Variants in ZFHX3 observed in about 807,000 individuals in gnomAD.
The protein encoded by ZFHX3 is zinc finger homeobox 3.
A neutral mutation model predicts 279.1 loss-of-function variants in ZFHX3; 42 were observed. The observed-to-expected ratio is 0.15, with a 90% CI of 0.12 to 0.19. ZFHX3 has a LOEUF of 0.19. Among genes scored for constraint, ZFHX3 ranks in the 10% least tolerant of loss-of-function variants. The probability of loss-of-function intolerance (pLI) is 1.00; values close to 1 mark genes in which losing one functional copy is unlikely to be tolerated. For missense variants in ZFHX3, 4,981 were observed against 4,754.0 expected, an observed-to-expected ratio of 1.05 and a Z score of -1.40; for synonymous variants, 2,293 against 1,957.8, an observed-to-expected ratio of 1.17 and a Z score of -4.52.
At chr16:73,183,992 TA>T (rs1263894016) in intron 5 of ZFHX3, among the ~76,000 whole-genome samples, 3 of 152,138 alleles carry the variant, frequency 2.0e-5, no homozygotes, top group African/African-American at 7.2e-5. Context: ...CATGAATCTG[TA>T]AAGAGCAGGG....
intron 1 of ZFHX3, among the ~76,000 whole-genome samples, chr16:73,715,067 G>T (rs2053401350): frequency 6.6e-6 from 1 of 152,074 alleles, no homozygotes; most frequent in Admixed American, 6.6e-5. Flanking sequence ...TGAGCATATA[G>T]CATCTGCTCC....
At chr16:73,633,049 A>C (rs1181938285) in intron 2 of ZFHX3, among the ~76,000 whole-genome samples, 1 of 152,262 alleles carries the variant, frequency 6.6e-6, no homozygotes, top group Non-Finnish European at 1.5e-5. Flanking sequence ...ACTGCACTCT[A>C]GGCTGGACAA....
intron 3 of ZFHX3, among the ~76,000 whole-genome samples, chr16:73,331,244 A>G (rs1698347360): frequency 6.6e-6 from 1 of 152,172 alleles, no homozygotes; most frequent in Non-Finnish European, 1.5e-5. Context: ...AGCATGGAGG[A>G]ACCGCCCCCA....
rs2035267973 is a variant in ZFHX3 at position 72,784,523 on chromosome 16, T to TACA, written c.*2638_*2640dup. ...TATATGGTACAGACACAGAGTAACA[T>TACA]ACAACAGTTAAATGGCAAAAAATAT... is the stretch of plus-strand genomic sequence containing the variant. On this transcript the variant is annotated 3_prime_UTR_variant, in exon 10 of 10. Transcript: ENST00000268489. 1.3e-5 allele frequency: 2 copies of TACA among 151,956 alleles called. No individual in the cohort carries two copies. The highest frequency in any genetic ancestry group is 4.8e-5 in the African/African-American group (2 of 41,322). The allele number at this position is 151,956 out of a possible 1,614,324, so 9.4% of individuals were successfully genotyped here.
intron 1 of ZFHX3, among the ~76,000 whole-genome samples, chr16:73,824,340 C>T (rs1960835215): frequency 6.6e-6 from 1 of 150,538 alleles, no homozygotes. Flanking sequence ...TTAATAATCT[C>T]CAAAACAATG....
chr16:73,713,802 G>A (rs899559276), intron 1 of ZFHX3, among the ~76,000 whole-genome samples: 2 of 152,040 alleles, frequency 1.3e-5, no homozygotes, highest in African/African-American at 4.8e-5. Flanking sequence ...TCCTGTTCAG[G>A]CTACAAACTT....
At chr16:73,313,459 C>T (rs2015374209) in intron 4 of ZFHX3, among the ~76,000 whole-genome samples, 2 of 152,192 alleles carry the variant, frequency 1.3e-5, no homozygotes, top group African/African-American at 4.8e-5. Flanking sequence ...TGGAATGCTG[C>T]ACCTATACAA....
At position 73,821,063 on chromosome 16, in the gene ZFHX3, GT is replaced by G. The variant is rs544942118; in HGVS notation, c.-1608+70587del. On this transcript the variant is annotated intron_variant, in intron 1 of 17. Transcript: ENST00000641206. ...TGAGTCTCCTTGCCAAGGCAACACA[GT>G]CAGGGGGTGGAGAAACACAGATTCA... Among the ~76,000 whole-genome samples the G allele has an allele frequency of 1.6e-3, 240 of 152,284 alleles. 1 individual carries two copies. The highest frequency in any genetic ancestry group is 2.5e-3 in the South Asian group (12 of 4,828).
At chr16:73,351,273 G>T (rs548122447) in intron 3 of ZFHX3, among the ~76,000 whole-genome samples, 3 of 152,278 alleles carry the variant, frequency 2.0e-5, no homozygotes, top group African/African-American at 7.2e-5. Context: ...ACCCCAATCC[G>T]GGAGAGGTCA....
chr16:73,443,758 C>A (rs1049129731), intron 3 of ZFHX3, among the ~76,000 whole-genome samples: 1 of 151,866 alleles, frequency 6.6e-6, no homozygotes, highest in African/African-American at 2.4e-5. Context: ...TACTCCTTGG[C>A]TTTTTTTCTT....
At chr16:73,327,585 C>T (rs2015717492) in intron 3 of ZFHX3, among the ~76,000 whole-genome samples, 1 of 152,196 alleles carries the variant, frequency 6.6e-6, no homozygotes, top group African/African-American at 2.4e-5. Context: ...ATGAAAGATG[C>T]TCCAAGGATA....
At chr16:73,663,524 C>G (rs1307831866) in intron 2 of ZFHX3, among the ~76,000 whole-genome samples, 1 of 152,198 alleles carries the variant, frequency 6.6e-6, no homozygotes, top group Non-Finnish European at 1.5e-5. Context: ...CACAAACTTG[C>G]TCTCATTTCC....
At chr16:73,814,967 C>T in intron 1 of ZFHX3, among the ~76,000 whole-genome samples, 1 of 152,132 alleles carries the variant, frequency 6.6e-6, no homozygotes, top group East Asian at 1.9e-4. Flanking sequence ...CAAAATCTCT[C>T]AAGAGATTTT....
intron 2 of ZFHX3, among the ~76,000 whole-genome samples, chr16:73,649,154 G>A (rs931093803): frequency 6.6e-6 from 1 of 152,164 alleles, no homozygotes; most frequent in Non-Finnish European, 1.5e-5. Context: ...GAGAACAAGT[G>A]TTTTTTCTTT....
At chr16:73,192,290 T>C (rs1393521872) in intron 5 of ZFHX3, among the ~76,000 whole-genome samples, 1 of 152,060 alleles carries the variant, frequency 6.6e-6, no homozygotes, top group Non-Finnish European at 1.5e-5. Flanking sequence ...TTGGAATGAA[T>C]GAAAATTTAG....
intron 5 of ZFHX3, among the ~76,000 whole-genome samples, chr16:73,209,753 CATCATGT>C (rs2011942792): frequency 6.6e-6 from 1 of 152,162 alleles, no homozygotes; most frequent in South Asian, 2.1e-4. Flanking sequence ...CAATATTATA[CATCATGT>C]AGCTTCTGGA....
At chr16:73,641,699 A>T (rs2052574489) in intron 2 of ZFHX3, among the ~76,000 whole-genome samples, 1 of 152,110 alleles carries the variant, frequency 6.6e-6, no homozygotes, top group Admixed American at 6.5e-5. Context: ...ATTATTTAGA[A>T]ATACATAAAT....
At chr16:73,423,861 CAAAA>C (rs34917527) in intron 3 of ZFHX3, among the ~76,000 whole-genome samples, 17 of 136,718 alleles carry the variant, frequency 1.2e-4, no homozygotes, top group Non-Finnish European at 1.6e-4. Context: ...GACTCCATCT[CAAAA>C]AAAAAAAAAA....
At chr16:73,516,988 T>C (rs1053632314) in intron 2 of ZFHX3, among the ~76,000 whole-genome samples, 4 of 152,174 alleles carry the variant, frequency 2.6e-5, no homozygotes, top group Non-Finnish European at 5.9e-5. Flanking sequence ...GAAAAACGCA[T>C]GATCAACACC....
Sources: allele counts gnomAD v4.1 joint callset (sites outside exome capture counted in the v4.1 genomes callset), GRCh38; gene constraint gnomAD v4.1.1; transcripts MANE v1.5; gene names NCBI Gene and HGNC (gene_info 2026-07-23, HGNC 2026-07-21).